ATCAY: variants seen among roughly 807,000 people sequenced by gnomAD.
The protein encoded by ATCAY is ATCAY kinesin light chain interacting caytaxin.
In ATCAY, 22 loss-of-function variants were observed where a neutral mutation model predicts 47.7. The ratio of observed to expected loss-of-function variants is 0.46; its 90% CI spans 0.33 to 0.66. The LOEUF (loss-of-function observed/expected upper bound fraction) is 0.66, where lower values mean the gene tolerates loss of function less well. ATCAY is among the 30% of genes least tolerant of loss of function. The pLI is 0.02. For missense variants in ATCAY, 452 were observed against 515.0 expected (o/e 0.88, Z 1.18); for synonymous variants, 216 against 207.6 (o/e 1.04, Z -0.35).
At chr19:3,910,401 G>A (rs1457201391) in intron 7 of ATCAY, among the ~76,000 whole-genome samples, 21 of 152,238 alleles carry the variant, frequency 1.4e-4, no homozygotes. Flanking sequence ...ATTGTAAATA[G>A]CCTCAGAGTG....
intron 1 of ATCAY, among the ~76,000 whole-genome samples, chr19:3,881,863 A>ACC (rs199717917): frequency 3.5e-4 from 35 of 100,464 alleles, no homozygotes; most frequent in African/African-American, 4.6e-4. Context: ...GGCTGCTGCC[A>ACC]CCGCCCCCCC....
At chr19:3,881,264 C>A (rs935992583) in intron 1 of ATCAY, among the ~76,000 whole-genome samples, 1 of 152,046 alleles carries the variant, frequency 6.6e-6, no homozygotes, top group Middle Eastern at 3.4e-3. Flanking sequence ...TTTCAGGACA[C>A]GCTGAGAGCT....
chr19:3,910,748 C>T, intron 7 of ATCAY, 55 bp from the exon 8 acceptor site: 1 of 1,591,586 alleles, frequency 6.3e-7, no homozygotes, highest in South Asian at 1.1e-5. Flanking sequence ...CCAGCTCCTC[C>T]CTCCCCAGGG....
In ATCAY at chr19:3,925,496, G is replaced by A. The variant is rs1328200925; in HGVS notation, c.*904G>A. On this transcript the variant is annotated 3_prime_UTR_variant, in exon 13 of 13. Coordinates refer to ENST00000450849, the MANE Select transcript of ATCAY (RefSeq NM_033064.5). This position sits in a 1 kb window ranked among gnomAD's most constrained non-coding sequence, Gnocchi z 4.4. The stretch of plus-strand genomic sequence containing the variant: ...GCAGACCTAGCAAGAGGAAGATACA[G>A]GGTATCGGGCGTTTGAGTGTTTCAG... 6.6e-6 allele frequency: 1 copy of A among 152,246 alleles called. No homozygotes were observed. Among genetic ancestry groups the A allele is most frequent in the African/African-American group, 2.4e-5 (1 of 41,472 alleles). 9.4% of individuals were successfully genotyped at this position (152,246 alleles called of 1,614,324 possible).
At chr19:3,919,348 G>A (rs11882435) in intron 11 of ATCAY, among the ~76,000 whole-genome samples, 1 of 150,602 alleles carries the variant, frequency 6.6e-6, no homozygotes, top group African/African-American at 2.4e-5. Context: ...AATCCCAGTA[G>A]TTTGGGAGGC....
chr19:3,900,226 C>T (rs2038805277), intron 2 of ATCAY, among the ~76,000 whole-genome samples: 1 of 150,226 alleles, frequency 6.7e-6, no homozygotes, highest in South Asian at 2.1e-4. Context: ...GGGTCTCACT[C>T]TGTCATCCAG....
At chr19:3,892,811 A>G (rs545483127) in intron 2 of ATCAY, among the ~76,000 whole-genome samples, 4 of 152,166 alleles carry the variant, frequency 2.6e-5, no homozygotes, top group African/African-American at 7.2e-5. Flanking sequence ...GGGAGGCTGA[A>G]GCAGGAGAAT....
chr19:3,902,962 A>AT (rs2038828086), intron 3 of ATCAY, among the ~76,000 whole-genome samples: 1 of 151,960 alleles, frequency 6.6e-6, no homozygotes, highest in African/African-American at 2.4e-5. Context: ...GTAATACCTT[A>AT]TATTAGACCC....
intron 9 of ATCAY, among the ~76,000 whole-genome samples, chr19:3,916,628 G>A (rs757928926): frequency 3.3e-5 from 5 of 151,876 alleles, no homozygotes; most frequent in Non-Finnish European, 1.5e-5. Flanking sequence ...CGAGTAGCTG[G>A]GACTACAGGC....
At chr19:3,906,096 A>C (rs1420649143) in intron 4 of ATCAY, among the ~76,000 whole-genome samples, 1 of 150,434 alleles carries the variant, frequency 6.6e-6, no homozygotes, top group African/African-American at 2.4e-5. Context: ...GTGTGAACCC[A>C]GGAGGCCGAG....
intron 8 of ATCAY, among the ~76,000 whole-genome samples, chr19:3,911,536 A>T (rs1032235157): frequency 2.7e-5 from 4 of 149,566 alleles, no homozygotes; most frequent in South Asian, 2.1e-4. Flanking sequence ...CTAAAAATAA[A>T]ATATATATAT....
At chr19:3,919,925 G>A (rs1291550531) in intron 11 of ATCAY, among the ~76,000 whole-genome samples, 1 of 152,160 alleles carries the variant, frequency 6.6e-6, no homozygotes, top group Non-Finnish European at 1.5e-5. Flanking sequence ...AAGGGCCTTG[G>A]CCAATTTCCT....
At chr19:3,903,982 C>CAAAAAAAAAAAAAAA (rs59631453) in intron 3 of ATCAY, among the ~76,000 whole-genome samples, 2 of 79,044 alleles carry the variant, frequency 2.5e-5, no homozygotes, top group African/African-American at 3.7e-5. Context: ...ACTAAAGATA[C>CAAAAAAAAAAAAAAA]AAAAAAAAAA....
chr19:3,908,229 A>G (rs1214420343), intron 5 of ATCAY, 39 bp from the exon 6 acceptor site: 2 of 1,517,052 alleles, frequency 1.3e-6, no homozygotes, highest in South Asian at 2.4e-5. Context: ...CAGGGCTGGG[A>G]GAGGACTCTG....
At position 3,885,803 on chromosome 19, in the gene ATCAY, C is replaced by T. The variant is rs368213837; in HGVS notation, c.36C>T (p.Asn12=). ...GTTEATLRME[N]VDVKEEWQDE... ...CCGAAGCCACGCTCCGGATGGAAAA[C>T]GTGGACGTGAAGGAGGAATGGCAGG... Residue 12 remains asparagine (N), a synonymous_variant, in exon 2 of 13, where the codon AAC becomes AAT. Coordinates refer to ENST00000450849, the MANE Select transcript of ATCAY (RefSeq NM_033064.5). 6.5e-4 allele frequency: 1,003 copies of T among 1,552,240 alleles called. 3 individuals carry two copies. The highest frequency in any genetic ancestry group is 1.8e-3 in the Admixed American group (90 of 51,068).
chr19:3,924,233 G>GTGGATGGACGGATGGA (rs1313494817), intron 12 of ATCAY, among the ~76,000 whole-genome samples: 51 of 140,798 alleles, frequency 3.6e-4, no homozygotes, highest in African/African-American at 1.3e-3. Flanking sequence ...GAGTGAGTGT[G>GTGGATGGACGGATGGA]TGGATGGATG....
chr19:3,882,926 C>T (rs1403902587), intron 1 of ATCAY, among the ~76,000 whole-genome samples: 3 of 152,118 alleles, frequency 2.0e-5, no homozygotes, highest in African/African-American at 7.2e-5. Flanking sequence ...AGACCTCAGG[C>T]ACCCACCATT....
At chr19:3,909,705 C>A in intron 7 of ATCAY, 88 bp downstream of exon 7, 2 of 1,515,710 alleles carry the variant, frequency 1.3e-6, no homozygotes, top group East Asian at 2.5e-5. Flanking sequence ...GGAATCCCAG[C>A]ACTTCGGGAG....
intron 8 of ATCAY, among the ~76,000 whole-genome samples, chr19:3,912,408 G>A (rs865921398): frequency 1.3e-5 from 2 of 151,968 alleles, no homozygotes; most frequent in Admixed American, 6.6e-5. Context: ...CCGCCTCCCG[G>A]GTTCACGCTA....
Sources: gnomAD v4.1 joint callset for allele counts (sites outside exome capture counted in the v4.1 genomes callset) on GRCh38, gnomAD v4.1.1 for gene constraint, Gnocchi (gnomAD v3.1) non-coding constraint, MANE v1.5 for transcripts, NCBI Gene and HGNC (gene_info 2026-07-23, HGNC 2026-07-21) for gene names.